C6: variants seen among roughly 807,000 people sequenced by gnomAD.
C6 encodes the protein complement component C6.
A neutral mutation model predicts 112.9 loss-of-function variants in C6; 101 were observed. That is an observed-to-expected ratio of 0.89 (90% CI 0.76 to 1.06). The LOEUF (loss-of-function observed/expected upper bound fraction) is 1.06, where lower values mean the gene tolerates loss of function less well. Among genes scored for constraint, C6 ranks in the 50% least tolerant of loss-of-function variants. The pLI, the probability that C6 is intolerant of heterozygous loss-of-function variation, is 0.00. For missense variants in C6, 1,202 were observed against 1,104.6 expected (o/e 1.09, Z -1.25); for synonymous variants, 431 against 384.1 (o/e 1.12, Z -1.43).
intron 1 of C6, among the ~76,000 whole-genome samples, chr5:41,258,794 C>T: frequency 6.6e-6 from 1 of 152,136 alleles, no homozygotes; most frequent in East Asian, 1.9e-4. Context: ...AGCAACTCTT[C>T]ACAGAGTGGC....
intron 1 of C6, among the ~76,000 whole-genome samples, chr5:41,233,260 C>T (rs1740021330): frequency 6.6e-6 from 1 of 152,024 alleles, no homozygotes; most frequent in African/African-American, 2.4e-5. Context: ...TGGTCATTAT[C>T]AAAAGTAAAT....
chr5:41,204,802 T>A (rs1328724018), intron 1 of C6, among the ~76,000 whole-genome samples: 1 of 150,838 alleles, frequency 6.6e-6, no homozygotes, highest in Non-Finnish European at 1.5e-5. Flanking sequence ...CCTGAGGAGG[T>A]GGGACTACAG....
intron 1 of C6, among the ~76,000 whole-genome samples, chr5:41,254,290 C>T (rs1474628368): frequency 6.6e-6 from 1 of 152,032 alleles, no homozygotes; most frequent in Non-Finnish European, 1.5e-5. Flanking sequence ...CCTGTAGTCC[C>T]AACTACTTGG....
chr5:41,172,099 G>C (rs572768461), intron 9 of C6, 126 bp downstream of exon 9: 38 of 969,416 alleles, frequency 3.9e-5, no homozygotes, highest in South Asian at 2.9e-4. Context: ...CAACACACAG[G>C]GTTCTGAGGA....
chr5:41,199,481 G>C (rs567465033), intron 4 of C6, among the ~76,000 whole-genome samples: 22 of 152,136 alleles, frequency 1.4e-4, no homozygotes, highest in African/African-American at 4.8e-4. Flanking sequence ...TAATATTCTT[G>C]TCATAATAAA....
At chr5:41,163,446 G>A (rs546718102) in intron 9 of C6, among the ~76,000 whole-genome samples, 2 of 151,914 alleles carry the variant, frequency 1.3e-5, no homozygotes, top group South Asian at 4.2e-4. Context: ...CCAAGTAGAT[G>A]GGATTACAGG....
intron 12 of C6, 114 bp from the exon 13 acceptor site, chr5:41,158,899 A>G: frequency 1.0e-6 from 1 of 989,942 alleles, no homozygotes; most frequent in Non-Finnish European, 1.6e-6. Flanking sequence ...TGTATTAAAT[A>G]GAAAACATTA....
At chr5:41,239,785 A>G (rs1476021670) in intron 1 of C6, among the ~76,000 whole-genome samples, 1 of 152,106 alleles carries the variant, frequency 6.6e-6, no homozygotes, top group Non-Finnish European at 1.5e-5. Context: ...CATATCTTTC[A>G]GGTCTGGTTT....
chr5:41,209,501 C>T (rs1751718937), intron 1 of C6, among the ~76,000 whole-genome samples: 1 of 152,146 alleles, frequency 6.6e-6, no homozygotes. Context: ...TCTCCTTAAG[C>T]TGATAAGCAA....
intron 1 of C6, among the ~76,000 whole-genome samples, chr5:41,204,041 A>G (rs1472196601): frequency 1.3e-5 from 2 of 152,222 alleles, no homozygotes; most frequent in Admixed American, 1.3e-4. Flanking sequence ...TTGAAGATCC[A>G]TGAGTTATTT....
In C6 at chr5:41,182,031, C is replaced by T. The variant is rs536275130; in HGVS notation, c.727-472G>A. ...CTTTTTCAAGAGACGAGTCTGACTT[C>T]GGGATCACAGTTTCTGAGGTTGGGT... On this transcript the variant is annotated intron_variant, in intron 6 of 17. Coordinates refer to ENST00000337836, the MANE Select transcript of C6 (RefSeq NM_000065.5). Among the ~76,000 whole-genome samples the T allele has an allele frequency of 4.3e-4, 66 of 152,266 alleles. 1 individual carries two copies. The highest frequency in any genetic ancestry group is 1.4e-3 in the African/African-American group (59 of 41,544).
intron 1 of C6, among the ~76,000 whole-genome samples, chr5:41,231,467 C>T (rs1739894122): frequency 6.6e-6 from 1 of 152,138 alleles, no homozygotes; most frequent in Non-Finnish European, 1.5e-5. Context: ...TAACTGATGA[C>T]AGCTTAACTT....
At chr5:41,228,696 G>T (rs1477866300) in intron 1 of C6, among the ~76,000 whole-genome samples, 1 of 151,996 alleles carries the variant, frequency 6.6e-6, no homozygotes, top group Non-Finnish European at 1.5e-5. Context: ...TGTTTTTTCT[G>T]CATCTATTGA....
intron 17 of C6, among the ~76,000 whole-genome samples, chr5:41,144,391 C>T (rs1017843780): frequency 2.0e-5 from 3 of 152,062 alleles, no homozygotes; most frequent in Non-Finnish European, 4.4e-5. Flanking sequence ...CCTTAGCCAC[C>T]CAAGTAGCTG....
At chr5:41,209,234 G>A (rs991263392) in intron 1 of C6, among the ~76,000 whole-genome samples, 1 of 152,104 alleles carries the variant, frequency 6.6e-6, no homozygotes, top group Non-Finnish European at 1.5e-5. Flanking sequence ...AATAATAAGA[G>A]CTATTTATGA....
At chr5:41,230,277 A>G (rs1380080302) in intron 1 of C6, among the ~76,000 whole-genome samples, 3 of 152,136 alleles carry the variant, frequency 2.0e-5, no homozygotes, top group Non-Finnish European at 4.4e-5. Flanking sequence ...GAATAGAGCC[A>G]TATTTTTCTT....
At chr5:41,211,920 G>C (rs1051612625) in intron 1 of C6, among the ~76,000 whole-genome samples, 3 of 152,170 alleles carry the variant, frequency 2.0e-5, no homozygotes, top group African/African-American at 7.2e-5. Context: ...AAGCTTGAAA[G>C]GTATGGGTGA....
chr5:41,181,491 T>C lies in C6; in HGVS notation c.795A>G (p.Glu265=). Residue 265 remains glutamate, a synonymous_variant, in exon 7 of 18, where the codon GAA becomes GAG. Transcript: ENST00000337836. ...YKDLTSLGHN[E]NQQGSFSSQG... The stretch of plus-strand genomic sequence containing the variant: ...GACTTGAGAATGAGCCTTGTTGATT[T>C]TCATTGTGTCCAAGAGAAGTTAAAT... 14 of 1,613,800 alleles carry C rather than the reference T, an allele frequency of 8.7e-6. No homozygotes were observed. The highest frequency in any genetic ancestry group is 1.1e-5 in the Non-Finnish European group (13 of 1,179,814).
At chr5:41,225,309 T>G (rs1300630192) in intron 1 of C6, among the ~76,000 whole-genome samples, 1 of 71,840 alleles carries the variant, frequency 1.4e-5, no homozygotes, top group African/African-American at 5.9e-5. Context: ...AGTGAGAACA[T>G]GCAGTGTTTG....
Sources: allele counts gnomAD v4.1 joint callset (sites outside exome capture counted in the v4.1 genomes callset), GRCh38; gene constraint gnomAD v4.1.1; transcripts MANE v1.5; gene names NCBI Gene and HGNC (gene_info 2026-07-23, HGNC 2026-07-21).